The following BMP6 variants were observed in gnomAD, a reference collection of about 807,000 sequenced individuals.
BMP6 encodes bone morphogenetic protein 6.
A neutral mutation model predicts 54.1 loss-of-function variants in BMP6; 17 were observed. That is an observed-to-expected ratio of 0.31 (90% CI 0.22 to 0.47). The LOEUF is 0.47. BMP6 is among the 20% of genes least tolerant of loss of function. The probability of loss-of-function intolerance (pLI) is 1.00; values close to 1 mark genes in which losing one functional copy is unlikely to be tolerated. For missense variants in BMP6, 720 were observed against 690.4 expected (o/e 1.04, Z -0.48); for synonymous variants, 328 against 291.2 (o/e 1.13, Z -1.28).
At chr6:7,776,481 G>A (rs1757862086) in intron 1 of BMP6, among the ~76,000 whole-genome samples, 1 of 152,214 alleles carries the variant, frequency 6.6e-6, no homozygotes, top group South Asian at 2.1e-4. Context: ...GGCAAGTCAT[G>A]TGCCCATTTC....
chr6:7,757,958 A>G (rs533420227), intron 1 of BMP6, among the ~76,000 whole-genome samples: 1 of 152,156 alleles, frequency 6.6e-6, no homozygotes, highest in East Asian at 1.9e-4. Context: ...TAAAATGCCC[A>G]CTCTGAAAGT....
In BMP6 at chr6:7,775,134, G is replaced by T. The variant is rs559353783; in HGVS notation, c.664+47515G>T. ...AGGTCCCGCCTCTCAACAGTGTTGC[G>T]TTGGGGATTAAGTCTCCAACACATG... On this transcript the variant is annotated intron_variant, in intron 1 of 6. Transcript: ENST00000283147. Among the ~76,000 whole-genome samples the T allele has an allele frequency of 2.1e-3, 316 of 152,280 alleles. 2 individuals are homozygous for T. Among genetic ancestry groups the T allele is most frequent in the African/African-American group, 7.3e-3 (302 of 41,534 alleles).
chr6:7,762,908 G>A (rs1757633741), intron 1 of BMP6, among the ~76,000 whole-genome samples: 1 of 152,248 alleles, frequency 6.6e-6, no homozygotes, highest in African/African-American at 2.4e-5. Flanking sequence ...GCCAGCTGAA[G>A]TCCGTTTTGC....
intron 4 of BMP6, among the ~76,000 whole-genome samples, chr6:7,875,127 G>GGGGA (rs1361761525): frequency 2.0e-5 from 3 of 152,096 alleles, no homozygotes; most frequent in African/African-American, 7.2e-5. Context: ...CCTGAGTACT[G>GGGGA]GGGAGGGCTG....
chr6:7,771,843 A>G (rs1757793710), intron 1 of BMP6, among the ~76,000 whole-genome samples: 1 of 152,116 alleles, frequency 6.6e-6, no homozygotes, highest in Non-Finnish European at 1.5e-5. Flanking sequence ...ACCTGAGGTC[A>G]GGAGTTTGAG....
intron 1 of BMP6, among the ~76,000 whole-genome samples, chr6:7,816,226 G>T (rs1352131452): frequency 6.6e-6 from 1 of 152,200 alleles, no homozygotes; most frequent in Non-Finnish European, 1.5e-5. Flanking sequence ...TAAGAAGGGA[G>T]CAGGAAATAG....
rs531826434 is a variant in BMP6, at chr6:7,879,853, A to G, written c.1282-138A>G. The G allele has an allele frequency of 7.9e-6, 7 of 888,112 alleles. No homozygotes were observed. In the South Asian group the frequency reaches 1.1e-4, roughly 14 times the overall value. 55.0% of individuals were successfully genotyped at this position (888,112 alleles called of 1,614,324 possible). ...CATTGCCACTTGAATGTGAACTTGGACAAATTCCTAAGCCTTCCTGCGTCT... is the reference window on the plus strand; with the variant it reads ...CATTGCCACTTGAATGTGAACTTGGGCAAATTCCTAAGCCTTCCTGCGTCT... On this transcript the variant is annotated intron_variant, in intron 5 of 6. Transcript: ENST00000283147.
At chr6:7,861,027 T>C (rs1481622117) in intron 2 of BMP6, among the ~76,000 whole-genome samples, 5 of 150,696 alleles carry the variant, frequency 3.3e-5, no homozygotes, top group African/African-American at 1.2e-4. Context: ...ATAATAGAAG[T>C]ATTAAAATGT....
chr6:7,851,825 CAT>C (rs566574581), intron 2 of BMP6, among the ~76,000 whole-genome samples: 120 of 152,116 alleles, frequency 7.9e-4, no homozygotes, highest in African/African-American at 2.9e-3. Context: ...TTGGGACAAT[CAT>C]ATAATTTTTC....
chr6:7,809,611 G>C (rs900023786), intron 1 of BMP6, among the ~76,000 whole-genome samples: 2 of 152,204 alleles, frequency 1.3e-5, no homozygotes, highest in African/African-American at 4.8e-5. Flanking sequence ...TAATCCAGGA[G>C]ATACTCCTGA....
Position 7,852,049 on chromosome 6 carries a change from T to C in BMP6, c.857+6717T>C, listed in dbSNP as rs556840370. On this transcript the variant is annotated intron_variant, in intron 2 of 6. Coordinates refer to ENST00000283147, the MANE Select transcript of BMP6 (RefSeq NM_001718.6). Reference sequence around the variant, plus strand: ...CTTGATTTTTCCTTGTTTGGTTTTATTTCCTGGCAAGACTGCTAATTTTCT... The same window carrying C: ...CTTGATTTTTCCTTGTTTGGTTTTACTTCCTGGCAAGACTGCTAATTTTCT... 2.6e-5 allele frequency among the ~76,000 whole-genome samples: 4 copies of C among 152,364 alleles called. No individual in the cohort carries two copies. In the East Asian group the frequency reaches 7.7e-4, roughly 29 times the overall value.
At chr6:7,784,232 C>G (rs990533173) in intron 1 of BMP6, among the ~76,000 whole-genome samples, 2 of 152,186 alleles carry the variant, frequency 1.3e-5, no homozygotes, top group African/African-American at 4.8e-5. Flanking sequence ...TGATTGTTGA[C>G]ATTTTTTTAC....
intron 1 of BMP6, among the ~76,000 whole-genome samples, chr6:7,837,000 T>A (rs949988975): frequency 2.6e-5 from 4 of 152,288 alleles, no homozygotes; most frequent in Admixed American, 1.3e-4. Context: ...AAATTTCAAG[T>A]TTGGTGTGTA....
At chr6:7,779,636 A>C (rs1431637331) in intron 1 of BMP6, among the ~76,000 whole-genome samples, 1 of 152,210 alleles carries the variant, frequency 6.6e-6, no homozygotes, top group Non-Finnish European at 1.5e-5. Context: ...CACTGAGCCC[A>C]GCCAATAGTG....
intron 1 of BMP6, among the ~76,000 whole-genome samples, chr6:7,817,332 T>G (rs900964693): frequency 1.3e-5 from 2 of 152,102 alleles, no homozygotes; most frequent in African/African-American, 4.8e-5. Context: ...AAAAATGATG[T>G]GATTATATAT....
At chr6:7,750,861 A>G (rs1409050325) in intron 1 of BMP6, among the ~76,000 whole-genome samples, 1 of 152,166 alleles carries the variant, frequency 6.6e-6, no homozygotes, top group African/African-American at 2.4e-5. Flanking sequence ...CTTCTGCCCC[A>G]TTCTGAGATG....
rs567630925 is a variant in BMP6 at position 7,737,962 on chromosome 6, TTTC to T, written c.664+10349_664+10351del. Reference sequence around the variant, plus strand: ...TTAGTATTATTCTTTTTTGTAATATTTTCTTCTTTTTTTTTTCTTCTTTTTTGT... The same window carrying T: ...TTAGTATTATTCTTTTTTGTAATATTTTCTTTTTTTTTTCTTCTTTTTTGT... On this transcript the variant is annotated intron_variant, in intron 1 of 6. Transcript: ENST00000283147. 4.1e-4 allele frequency among the ~76,000 whole-genome samples: 62 copies of T among 150,744 alleles called. No homozygotes were observed. In the South Asian group the frequency reaches 5.6e-3, roughly 14 times the overall value.
chr6:7,811,226 C>T (rs1020227687), intron 1 of BMP6, among the ~76,000 whole-genome samples: 30 of 152,174 alleles, frequency 2.0e-4, no homozygotes, highest in South Asian at 6.2e-4. Flanking sequence ...ACCTCTCAGC[C>T]TACATTCTCA....
chr6:7,814,599 T>C (rs890404315), intron 1 of BMP6, among the ~76,000 whole-genome samples: 1 of 152,186 alleles, frequency 6.6e-6, no homozygotes, highest in African/African-American at 2.4e-5. Flanking sequence ...TCTCTACCTT[T>C]CTCTTCCTCT....
Sources: allele counts gnomAD v4.1 joint callset (sites outside exome capture counted in the v4.1 genomes callset), GRCh38; gene constraint gnomAD v4.1.1; transcripts MANE v1.5; gene names NCBI Gene and HGNC (gene_info 2026-07-23, HGNC 2026-07-21).